The following FRMPD4 variants were observed in gnomAD, a reference collection of about 807,000 sequenced individuals.
The protein encoded by FRMPD4 is FERM and PDZ domain containing 4.
A neutral mutation model predicts 94.1 loss-of-function variants in FRMPD4; 22 were observed. That is an observed-to-expected ratio of 0.23 (90% confidence interval 0.17 to 0.33). The LOEUF is 0.33. Ranked by LOEUF, FRMPD4 falls within the 10% of genes least tolerant of loss-of-function variation. FRMPD4 has a pLI of 1.00. For synonymous variants in FRMPD4, 631 were observed against 548.6 expected, an observed-to-expected ratio of 1.15 and a Z score of -2.10; for missense variants, 1,111 against 1,339.9, an observed-to-expected ratio of 0.83 and a Z score of 2.67.
At chrX:12,614,748 C>A in intron 3 of FRMPD4, 31 bp from the exon 4 acceptor site, 1 of 778,550 alleles carries the variant, frequency 1.3e-6, no homozygotes, top group Non-Finnish European at 2.0e-6. Flanking sequence ...TAATGGTCTT[C>A]TCACCTGTGC....
At chrX:12,088,151 G>T (rs1390513708) in intron 3 of FRMPD4, among the ~76,000 whole-genome samples, 1 of 111,879 alleles carries the variant, frequency 8.9e-6, no homozygotes, top group African/African-American at 3.3e-5. Context: ...AAAATAAACT[G>T]GCAGCTTCTG....
intron 1 of FRMPD4, among the ~76,000 whole-genome samples, chrX:12,447,844 TCTCA>T (rs2057217722): frequency 8.9e-6 from 1 of 112,313 alleles, no homozygotes. Context: ...GTCCCTTAAT[TCTCA>T]CTGTGTTTCC....
intron 1 of FRMPD4, among the ~76,000 whole-genome samples, chrX:12,232,149 A>G (rs1220776132): frequency 9.0e-6 from 1 of 111,684 alleles, no homozygotes; most frequent in East Asian, 2.8e-4. Context: ...TGGGAGTAGA[A>G]GGTTTGCCAC....
intron 3 of FRMPD4, among the ~76,000 whole-genome samples, chrX:12,074,110 T>C (rs780859160): frequency 2.7e-5 from 3 of 112,431 alleles, no homozygotes; most frequent in African/African-American, 6.5e-5. Context: ...TTACATTGTA[T>C]ATGTTTTAGG....
intron 4 of FRMPD4, among the ~76,000 whole-genome samples, chrX:12,646,091 T>C (rs2059545416): frequency 1.8e-5 from 2 of 112,618 alleles, no homozygotes. Context: ...TCAGGTTCTG[T>C]AGGAAGGAAG....
At chrX:12,013,258 G>T (rs1343386179) in intron 3 of FRMPD4, among the ~76,000 whole-genome samples, 2 of 111,840 alleles carry the variant, frequency 1.8e-5, no homozygotes, top group African/African-American at 3.3e-5. Flanking sequence ...AGGTTTTATT[G>T]TACCTTCCCT....
intron 1 of FRMPD4, among the ~76,000 whole-genome samples, chrX:12,164,848 T>C (rs1348795231): frequency 8.9e-6 from 1 of 112,785 alleles, no homozygotes; most frequent in Non-Finnish European, 1.9e-5. Flanking sequence ...AAATGTCTTC[T>C]TTTGAGAAGT....
At chrX:12,065,102 T>C (rs1261541080) in intron 3 of FRMPD4, among the ~76,000 whole-genome samples, 3 of 112,599 alleles carry the variant, frequency 2.7e-5, no homozygotes, top group African/African-American at 9.7e-5. Context: ...GCAAATCCTA[T>C]TGAATACTAT....
chrX:12,409,951 A>G (rs756866578), intron 1 of FRMPD4, among the ~76,000 whole-genome samples: 1 of 112,021 alleles, frequency 8.9e-6, no homozygotes, highest in African/African-American at 3.2e-5. Flanking sequence ...CAAGTATTCA[A>G]TAGTCCTACA....
chrX:12,457,786 G>A (rs184266737), intron 1 of FRMPD4, among the ~76,000 whole-genome samples: 60 of 112,036 alleles, frequency 5.4e-4, no homozygotes, highest in East Asian at 1.1e-3. Context: ...TACAGCTAGC[G>A]CTACAAAATG....
intron 3 of FRMPD4, among the ~76,000 whole-genome samples, chrX:12,123,667 T>C (rs1195824247): frequency 2.7e-5 from 3 of 111,745 alleles, no homozygotes; most frequent in African/African-American, 9.8e-5. Context: ...GTCTTGTATA[T>C]TGTTGGGCAT....
intron 2 of FRMPD4, among the ~76,000 whole-genome samples, chrX:12,566,930 A>G (rs2058718194): frequency 5.6e-5 from 3 of 53,302 alleles, no homozygotes; most frequent in Admixed American, 5.5e-4. Context: ...TCTCATTTGT[A>G]CTATAAGGAT....
chrX:12,362,748 A>G (rs2056014104), intron 1 of FRMPD4, among the ~76,000 whole-genome samples: 1 of 111,787 alleles, frequency 8.9e-6, no homozygotes, highest in African/African-American at 3.3e-5. Context: ...GTCAAATGGT[A>G]TTTCTAGTTC....
intron 2 of FRMPD4, among the ~76,000 whole-genome samples, chrX:12,502,555 G>A (rs1455294850): frequency 9.0e-6 from 1 of 111,172 alleles, no homozygotes; most frequent in Non-Finnish European, 1.9e-5. Flanking sequence ...ATACTCTAAG[G>A]TGATTGTTAC....
At chrX:12,520,798 T>C (rs1235766780) in intron 2 of FRMPD4, among the ~76,000 whole-genome samples, 1 of 112,278 alleles carries the variant, frequency 8.9e-6, no homozygotes, top group African/African-American at 3.2e-5. Context: ...CCAGTTACTA[T>C]GGGCAGGAGA....
intron 3 of FRMPD4, among the ~76,000 whole-genome samples, chrX:11,916,304 G>A (rs1202462016): frequency 1.8e-5 from 2 of 111,564 alleles, no homozygotes; most frequent in African/African-American, 3.3e-5. Context: ...TGCATGCCAC[G>A]CTGAAGAAGA....
chrX:11,995,829 G>A (rs1340853908), intron 3 of FRMPD4, among the ~76,000 whole-genome samples: 1 of 111,751 alleles, frequency 8.9e-6, no homozygotes, highest in East Asian at 2.8e-4. Flanking sequence ...TTATGTGGTT[G>A]AATGTCCATT....
At chrX:11,867,190 T>C (rs1357880260) in intron 2 of FRMPD4, among the ~76,000 whole-genome samples, 1 of 111,770 alleles carries the variant, frequency 8.9e-6, no homozygotes, top group Non-Finnish European at 1.9e-5. Context: ...AATCTGGTGA[T>C]CAAACACTTT....
intron 1 of FRMPD4, among the ~76,000 whole-genome samples, chrX:12,477,311 G>C (rs1319504243): frequency 1.8e-5 from 2 of 111,350 alleles, no homozygotes; most frequent in Non-Finnish European, 3.8e-5. Flanking sequence ...GTTGTGGGGT[G>C]GGGGAAGGGG....
Sources: gnomAD v4.1 joint callset for allele counts (sites outside exome capture counted in the v4.1 genomes callset) on GRCh38, gnomAD v4.1.1 for gene constraint, MANE v1.5 for transcripts, NCBI Gene and HGNC (gene_info 2026-07-23, HGNC 2026-07-21) for gene names.